The following PTPRD variants were observed in gnomAD, a reference collection of about 807,000 sequenced individuals.
PTPRD encodes protein tyrosine phosphatase receptor type D.
PTPRD carries 34 observed loss-of-function variants against 214.5 expected under a neutral mutation model. The observed-to-expected ratio is 0.16, with a 90% CI of 0.12 to 0.21. The LOEUF is 0.21. Ranked by LOEUF, PTPRD falls within the 10% of genes least tolerant of loss-of-function variation. PTPRD has a pLI of 1.00. For synonymous variants in PTPRD, 1,128 were observed against 845.7 expected, an observed-to-expected ratio of 1.33 and a Z score of -5.79; for missense variants, 2,545 against 2,398.7, an observed-to-expected ratio of 1.06 and a Z score of -1.27.
chr9:8,482,207 A>C (rs1591637238), intron 30 of PTPRD, among the ~76,000 whole-genome samples: 1 of 152,248 alleles, frequency 6.6e-6, no homozygotes, highest in Non-Finnish European at 1.5e-5. Context: ...GGATGACACC[A>C]TCATTCATTG....
chr9:8,817,284 A>G (rs1212721680), intron 11 of PTPRD, among the ~76,000 whole-genome samples: 1 of 152,254 alleles, frequency 6.6e-6, no homozygotes, highest in Non-Finnish European at 1.5e-5. Context: ...AATGGATTTT[A>G]TAAGAAATGG....
rs2049502667 is a variant in PTPRD at position 9,818,446 on chromosome 9, G to A, written c.-367-51595C>T. On this transcript the variant is annotated intron_variant, in intron 5 of 45. Transcript: ENST00000381196. The stretch of plus-strand genomic sequence containing the variant: ...TGCTATGTTTCCTCTTAATTACAGA[G>A]GTTCCAGAAACATTATTTAGTTTAT... Among the ~76,000 whole-genome samples, 5 of 152,008 alleles carry A rather than the reference G, an allele frequency of 3.3e-5. No individual in the cohort carries two copies. The South Asian group carries it at 1.0e-3, about 32-fold the overall frequency.
intron 5 of PTPRD, among the ~76,000 whole-genome samples, chr9:9,833,429 T>A (rs1366673178): frequency 6.6e-6 from 1 of 151,618 alleles, no homozygotes; most frequent in Non-Finnish European, 1.5e-5. Flanking sequence ...TAATAGAATA[T>A]CACAAGGCAA....
At chr9:9,895,505 A>G (rs2074708298) in intron 5 of PTPRD, among the ~76,000 whole-genome samples, 1 of 152,184 alleles carries the variant, frequency 6.6e-6, no homozygotes, top group East Asian at 1.9e-4. Context: ...TCAAATTGAC[A>G]TATCAACTGT....
chr9:9,829,635 G>A (rs2054151332), intron 5 of PTPRD, among the ~76,000 whole-genome samples: 1 of 151,760 alleles, frequency 6.6e-6, no homozygotes, highest in Non-Finnish European at 1.5e-5. Context: ...CCATATACAG[G>A]ATAACATTAA....
At position 9,931,907 on chromosome 9, in the gene PTPRD, G is replaced by A. The variant is rs1178987604; in HGVS notation, c.-368+6600C>T. On this transcript the variant is annotated intron_variant, in intron 5 of 45. Transcript: ENST00000381196. ...GAACGGGCAGACTGCCTCCTCAAGT[G>A]GGTCCCTGACCCCTGACCCCCGAGC... Among the ~76,000 whole-genome samples, 4 of 151,202 alleles carry A rather than the reference G, an allele frequency of 2.6e-5. No homozygotes were observed. The South Asian group carries it at 6.3e-4, about 24-fold the overall frequency.
intron 3 of PTPRD, among the ~76,000 whole-genome samples, chr9:10,175,367 T>A (rs2099241480): frequency 1.3e-5 from 2 of 152,106 alleles, no homozygotes; most frequent in African/African-American, 4.8e-5. Flanking sequence ...ATAGCTCTTA[T>A]TATTTGAGTC....
chr9:10,005,560 T>C (rs2096456780), intron 4 of PTPRD, among the ~76,000 whole-genome samples: 1 of 152,090 alleles, frequency 6.6e-6, no homozygotes, highest in African/African-American at 2.4e-5. Context: ...TGTGTCTTTA[T>C]CTCCTTTCTT....
chr9:10,176,457 G>A (rs2099249301), intron 3 of PTPRD, among the ~76,000 whole-genome samples: 1 of 151,826 alleles, frequency 6.6e-6, no homozygotes, highest in East Asian at 1.9e-4. Context: ...GCAACATTTT[G>A]ACCTATGTAT....
chr9:9,070,088 A>G (rs2099741585), intron 10 of PTPRD, among the ~76,000 whole-genome samples: 1 of 152,200 alleles, frequency 6.6e-6, no homozygotes, highest in Non-Finnish European at 1.5e-5. Flanking sequence ...AAGTGTCAGC[A>G]GAGCTTAGGA....
At chr9:8,646,069 A>G (rs200676723) in intron 12 of PTPRD, among the ~76,000 whole-genome samples, 1 of 151,942 alleles carries the variant, frequency 6.6e-6, no homozygotes, top group Non-Finnish European at 1.5e-5. Flanking sequence ...AAGAAAAAAA[A>G]AAAAAATGAA....
intron 11 of PTPRD, among the ~76,000 whole-genome samples, chr9:8,969,678 A>G (rs2099224284): frequency 6.6e-6 from 1 of 151,970 alleles, no homozygotes; most frequent in African/African-American, 2.4e-5. Flanking sequence ...GGGAATGAAG[A>G]AAAAAGAGAA....
intron 10 of PTPRD, among the ~76,000 whole-genome samples, chr9:9,071,640 T>C (rs1384904146): frequency 6.6e-6 from 1 of 152,160 alleles, no homozygotes; most frequent in Non-Finnish European, 1.5e-5. Flanking sequence ...ATATTAATTC[T>C]GACAACAACT....
At chr9:8,587,620 T>C (rs2093768183) in intron 14 of PTPRD, among the ~76,000 whole-genome samples, 1 of 152,154 alleles carries the variant, frequency 6.6e-6, no homozygotes, top group Non-Finnish European at 1.5e-5. Flanking sequence ...TCAAATTAAG[T>C]TCAACAGACT....
At chr9:9,998,759 C>A (rs1231464052) in intron 4 of PTPRD, among the ~76,000 whole-genome samples, 1 of 152,138 alleles carries the variant, frequency 6.6e-6, no homozygotes, top group African/African-American at 2.4e-5. Context: ...ATTAGCTGAG[C>A]TAATAGCTCT....
intron 5 of PTPRD, among the ~76,000 whole-genome samples, chr9:9,816,305 A>T (rs1195486556): frequency 6.6e-6 from 1 of 152,104 alleles, no homozygotes; most frequent in African/African-American, 2.4e-5. Context: ...ACTACTTATA[A>T]TAAAGACCTA....
intron 5 of PTPRD, among the ~76,000 whole-genome samples, chr9:9,832,900 T>C (rs1340433120): frequency 6.6e-6 from 1 of 151,550 alleles, no homozygotes; most frequent in Non-Finnish European, 1.5e-5. Flanking sequence ...TATGTTTTTT[T>C]TTTTCCCATA....
chr9:10,130,888 T>A (rs971186142), intron 3 of PTPRD, among the ~76,000 whole-genome samples: 1 of 152,108 alleles, frequency 6.6e-6, no homozygotes, highest in Non-Finnish European at 1.5e-5. Flanking sequence ...GACCTTCCTT[T>A]ACAAAGAAAT....
intron 9 of PTPRD, among the ~76,000 whole-genome samples, chr9:9,317,529 T>G (rs1193593602): frequency 6.6e-6 from 1 of 152,102 alleles, no homozygotes; most frequent in Non-Finnish European, 1.5e-5. Context: ...CATCTGCTTG[T>G]GCCTCATAAG....
Sources: allele counts gnomAD v4.1 joint callset (sites outside exome capture counted in the v4.1 genomes callset), GRCh38; gene constraint gnomAD v4.1.1; transcripts MANE v1.5; gene names NCBI Gene and HGNC (gene_info 2026-07-23, HGNC 2026-07-21).